The following CNTNAP4 variants were observed in gnomAD, a reference collection of about 807,000 sequenced individuals.
CNTNAP4 encodes contactin associated protein family member 4, also known as contactin-associated protein-like 4.
In CNTNAP4, 98 loss-of-function variants were observed where a neutral mutation model predicts 148.4. The ratio of observed to expected loss-of-function variants is 0.66; its 90% CI spans 0.56 to 0.78. CNTNAP4 has a LOEUF of 0.78. Among genes scored for constraint, CNTNAP4 ranks in the 30% least tolerant of loss-of-function variants. The probability of loss-of-function intolerance (pLI) is 0.00; values close to 1 mark genes in which losing one functional copy is unlikely to be tolerated. For synonymous variants in CNTNAP4, 730 were observed against 565.1 expected (o/e 1.29, Z -4.14); for missense variants, 1,935 against 1,565.6 (o/e 1.24, Z -3.98).
chr16:76,514,388 CAA>C (rs2083157032), intron 15 of CNTNAP4, among the ~76,000 whole-genome samples: 1 of 152,204 alleles, frequency 6.6e-6, no homozygotes, highest in African/African-American at 2.4e-5. Context: ...ATTAAATACA[CAA>C]GTCTATTTCT....
rs761015120 is a variant in CNTNAP4 at position 76,558,621 on chromosome 16, C to T, written c.3865C>T (p.Leu1289=). ...SENVDSAEAV[L]KSELNIQNAV... is the part of the protein sequence containing the mutation. ...GAATGTAGACAGTGCTGAGGCTGTT[C>T]TGAAAAGTGAGCTTAATATACAAAA... The change falls in exon 24 of 24, where the codon CTG becomes TTG. Residue 1289 remains leucine, a synonymous_variant. Transcript: ENST00000611870. 3.1e-6 allele frequency: 5 copies of T among 1,613,234 alleles called. No individual in the cohort carries two copies. The highest frequency in any genetic ancestry group is 3.4e-6 in the Non-Finnish European group (4 of 1,179,512).
At chr16:76,349,858 A>C (rs1965226013) in intron 2 of CNTNAP4, among the ~76,000 whole-genome samples, 1 of 152,060 alleles carries the variant, frequency 6.6e-6, no homozygotes, top group African/African-American at 2.4e-5. Flanking sequence ...TCTCTACTTG[A>C]ATAAAGTTGA....
chr16:76,371,270 C>A (rs1311092726), intron 3 of CNTNAP4, among the ~76,000 whole-genome samples: 8 of 152,064 alleles, frequency 5.3e-5, no homozygotes, highest in Admixed American at 5.2e-4. Flanking sequence ...TAATACACAT[C>A]TGTTTTCGTT....
chr16:76,540,626 T>C lies in CNTNAP4; in HGVS notation c.3355-77T>C, dbSNP rs2084409809. ...AACTGCTTAATGTATCTTTTTCTCTTGTCCTCTGTTGCTTCCTGTCTTCTC... is the reference window on the plus strand; with the variant it reads ...AACTGCTTAATGTATCTTTTTCTCTCGTCCTCTGTTGCTTCCTGTCTTCTC... On this transcript the variant is annotated intron_variant, in intron 20 of 23. Coordinates refer to ENST00000611870, the MANE Select transcript of CNTNAP4 (RefSeq NM_033401.5). The C allele has an allele frequency of 3.8e-6, 4 of 1,053,418 alleles. No individual in the cohort carries two copies. The African/African-American group carries it at 6.4e-5, about 17-fold the overall frequency. 65.3% of individuals were successfully genotyped at this position (1,053,418 alleles called of 1,614,324 possible).
chr16:76,465,898 C>A (rs1433003634), intron 9 of CNTNAP4, among the ~76,000 whole-genome samples: 1 of 152,072 alleles, frequency 6.6e-6, no homozygotes, highest in African/African-American at 2.4e-5. Flanking sequence ...CCTTTACTTG[C>A]CATGTAAATG....
intron 7 of CNTNAP4, among the ~76,000 whole-genome samples, chr16:76,451,497 A>G (rs1264647756): frequency 6.6e-6 from 1 of 152,158 alleles, no homozygotes; most frequent in Non-Finnish European, 1.5e-5. Context: ...AATTATGTGA[A>G]TTGGTGGTAT....
chr16:76,370,886 T>C (rs946239651), intron 3 of CNTNAP4, among the ~76,000 whole-genome samples: 1 of 152,138 alleles, frequency 6.6e-6, no homozygotes, highest in East Asian at 1.9e-4. Context: ...TCCCCCTAAA[T>C]TTATGTTAAC....
At chr16:76,447,074 G>A (rs1425981228) in intron 4 of CNTNAP4, among the ~76,000 whole-genome samples, 1 of 152,132 alleles carries the variant, frequency 6.6e-6, no homozygotes, top group Admixed American at 6.5e-5. Flanking sequence ...TTGGGTGGCT[G>A]AGGTAGGCAG....
chr16:76,389,091 G>A (rs1241213207), intron 3 of CNTNAP4, among the ~76,000 whole-genome samples: 2 of 152,162 alleles, frequency 1.3e-5, no homozygotes, highest in African/African-American at 4.8e-5. Context: ...ATAAGTATGT[G>A]TAAATATATT....
chr16:76,482,135 G>A (rs2081856803), intron 12 of CNTNAP4, among the ~76,000 whole-genome samples: 1 of 152,024 alleles, frequency 6.6e-6, no homozygotes, highest in South Asian at 2.1e-4. Flanking sequence ...GGGTGGAAAA[G>A]AGTGATGAGA....
chr16:76,417,157 C>T (rs941174154), intron 3 of CNTNAP4, among the ~76,000 whole-genome samples: 1 of 151,438 alleles, frequency 6.6e-6, no homozygotes, highest in African/African-American at 2.4e-5. Flanking sequence ...TTTCTATATA[C>T]TCTGACAATC....
At chr16:76,530,427 A>G (rs764567840) in intron 17 of CNTNAP4, among the ~76,000 whole-genome samples, 14 of 152,128 alleles carry the variant, frequency 9.2e-5, no homozygotes, top group South Asian at 2.1e-4. Context: ...CAGTAGGTAA[A>G]TCTTAGCGAT....
intron 3 of CNTNAP4, among the ~76,000 whole-genome samples, chr16:76,391,451 T>G (rs2016987021): frequency 6.6e-6 from 1 of 152,222 alleles, no homozygotes; most frequent in Admixed American, 6.5e-5. Flanking sequence ...ATGCTAACAT[T>G]TATTTATCTA....
At chr16:76,284,202 G>A (rs992878200) in intron 1 of CNTNAP4, among the ~76,000 whole-genome samples, 4 of 151,930 alleles carry the variant, frequency 2.6e-5, no homozygotes, top group Non-Finnish European at 5.9e-5. Context: ...AATAGGAGAT[G>A]TTTCCTATAT....
rs138153740 is a variant in CNTNAP4 at position 76,559,912 on chromosome 16, T to C, written c.*1229T>C. On this transcript the variant is annotated 3_prime_UTR_variant, in exon 24 of 24. Coordinates refer to ENST00000611870, the MANE Select transcript of CNTNAP4 (RefSeq NM_033401.5). ...TAAGGGGAGATAGCATATTAAATGA[T>C]CTACTGTGAATTTGTCATTCCAGAC... 6.6e-6 allele frequency among the ~76,000 whole-genome samples: 1 copy of C among 152,176 alleles called. No homozygotes were observed. Among genetic ancestry groups the C allele is most frequent in the African/African-American group, 2.4e-5 (1 of 41,450 alleles).
chr16:76,316,332 A>C lies in CNTNAP4; in HGVS notation c.86-81A>C, dbSNP rs752463358. On this transcript the variant is annotated intron_variant, in intron 1 of 23. Transcript: ENST00000611870. ...TCCTAGTTTTTGATGTTGTTGTTTTACTTGTTGGTTGTTTTGTCTATTGAT... is the reference window on the plus strand; with the variant it reads ...TCCTAGTTTTTGATGTTGTTGTTTTCCTTGTTGGTTGTTTTGTCTATTGAT... 3 of 847,040 alleles carry C rather than the reference A, an allele frequency of 3.5e-6. No individual in the cohort carries two copies. In the South Asian group the frequency reaches 4.2e-5, roughly 12 times the overall value. The allele number at this position is 847,040 out of a possible 1,614,324, so 52.5% of individuals were successfully genotyped here.
chr16:76,309,091 G>A (rs1597144737), intron 1 of CNTNAP4, among the ~76,000 whole-genome samples: 2 of 151,876 alleles, frequency 1.3e-5, no homozygotes, highest in East Asian at 3.9e-4. Context: ...AAGCATGAGC[G>A]AGCACACCTG....
intron 2 of CNTNAP4, among the ~76,000 whole-genome samples, chr16:76,327,918 T>C (rs887826116): frequency 6.6e-6 from 1 of 151,836 alleles, no homozygotes; most frequent in Non-Finnish European, 1.5e-5. Flanking sequence ...CCTTCCGTCA[T>C]TGTTTCACCC....
intron 3 of CNTNAP4, among the ~76,000 whole-genome samples, chr16:76,361,676 G>C (rs1007324244): frequency 1.3e-5 from 2 of 152,094 alleles, no homozygotes; most frequent in African/African-American, 4.8e-5. Flanking sequence ...ATAAATACCT[G>C]GGATCAGGAT....
Sources: allele counts gnomAD v4.1 joint callset (sites outside exome capture counted in the v4.1 genomes callset), GRCh38; gene constraint gnomAD v4.1.1; transcripts MANE v1.5; gene names NCBI Gene and HGNC (gene_info 2026-07-23, HGNC 2026-07-21).